The following TAFA5 variants were observed in gnomAD, a reference collection of about 807,000 sequenced individuals.
The protein encoded by TAFA5 is chemokine-like protein TAFA-5.
TAFA5 carries 6 observed loss-of-function variants against 15.3 expected under a neutral mutation model. The observed-to-expected ratio is 0.39, with a 90% CI of 0.21 to 0.77. TAFA5 has a LOEUF of 0.77. TAFA5 is among the 30% of genes least tolerant of loss of function. The pLI is 0.41. For missense variants in TAFA5, 161 were observed against 193.1 expected (o/e 0.83, Z 0.98); for synonymous variants, 103 against 80.7 (o/e 1.28, Z -1.48).
intron 1 of TAFA5, among the ~76,000 whole-genome samples, chr22:48,491,716 G>A (rs1246775207): frequency 6.6e-6 from 1 of 152,186 alleles, no homozygotes; most frequent in Admixed American, 6.5e-5. Context: ...TCATCCGGAC[G>A]GGCTCACACC....
At chr22:48,495,615 A>G in intron 1 of TAFA5, among the ~76,000 whole-genome samples, 1 of 152,084 alleles carries the variant, frequency 6.6e-6, no homozygotes, top group East Asian at 1.9e-4. Flanking sequence ...CCCAGCCGGC[A>G]TGTCCATTCG....
rs1284177998 is a variant in TAFA5, at chr22:48,530,972, G to A, written c.112+41268G>A. Reference sequence around the variant, plus strand: ...GCAAAGTGGTGCCCCTGCCCGCCCCGACCCCAGCCTTGTTAGGGGACTGGC... The same window carrying A: ...GCAAAGTGGTGCCCCTGCCCGCCCCAACCCCAGCCTTGTTAGGGGACTGGC... On this transcript the variant is annotated intron_variant, in intron 1 of 3. Transcript: ENST00000402357. The surrounding 1 kb of genome is among the most constrained non-coding windows in gnomAD (Gnocchi z 6.0). Among the ~76,000 whole-genome samples, 4 of 151,968 alleles carry A rather than the reference G, an allele frequency of 2.6e-5. No homozygotes were observed. The highest frequency in any genetic ancestry group is 4.8e-5 in the African/African-American group (2 of 41,388).
chr22:48,673,603 G>A (rs1376596386), intron 2 of TAFA5, among the ~76,000 whole-genome samples: 2 of 152,214 alleles, frequency 1.3e-5, no homozygotes, highest in African/African-American at 4.8e-5. Flanking sequence ...GGCTCTGGGT[G>A]TTCCAGGGTG....
chr22:48,510,447 T>C (rs1921169866), intron 1 of TAFA5, among the ~76,000 whole-genome samples: 2 of 152,280 alleles, frequency 1.3e-5, no homozygotes, highest in South Asian at 4.1e-4. Context: ...CTTTGGTTGA[T>C]GTTCGGTGTT....
intron 1 of TAFA5, among the ~76,000 whole-genome samples, chr22:48,627,347 T>TGCAGGTCTGGGGGTGGCGGGGGAG (rs1926059610): frequency 6.6e-6 from 1 of 152,216 alleles, no homozygotes; most frequent in African/African-American, 2.4e-5. Context: ...GCCCGGCAGC[T>TGCAGGTCTGGGGGTGGCGGGGGAG]GCAGGTCTGG....
At chr22:48,746,304 G>C (rs534580944) in intron 3 of TAFA5, among the ~76,000 whole-genome samples, 3 of 152,150 alleles carry the variant, frequency 2.0e-5, no homozygotes, top group Non-Finnish European at 4.4e-5. Flanking sequence ...AGACACCCCA[G>C]TCACCCGTCA....
At chr22:48,607,530 A>C (rs1434240370) in intron 1 of TAFA5, among the ~76,000 whole-genome samples, 1 of 135,672 alleles carries the variant, frequency 7.4e-6, no homozygotes, top group Non-Finnish European at 1.6e-5. Flanking sequence ...AGCCTGGAGC[A>C]GGTCTGTCCT....
intron 1 of TAFA5, among the ~76,000 whole-genome samples, chr22:48,521,238 A>T (rs1454420789): frequency 4.6e-5 from 7 of 152,060 alleles, no homozygotes; most frequent in Non-Finnish European, 8.8e-5. Flanking sequence ...GGGCACTTTT[A>T]AAAAATAAAG....
intron 1 of TAFA5, among the ~76,000 whole-genome samples, chr22:48,607,885 G>T (rs968842120): frequency 6.6e-6 from 1 of 152,182 alleles, no homozygotes; most frequent in Non-Finnish European, 1.5e-5. Context: ...CCACCCTGGG[G>T]GTCCTGAGGA....
At chr22:48,580,964 C>A (rs981077255) in intron 1 of TAFA5, among the ~76,000 whole-genome samples, 2 of 152,210 alleles carry the variant, frequency 1.3e-5, no homozygotes, top group African/African-American at 4.8e-5. Flanking sequence ...TGGCAGGTGT[C>A]CCTCAGCCTG....
rs1187949341 is a variant in TAFA5, at chr22:48,490,589, G to C, written c.112+885G>C. On this transcript the variant is annotated intron_variant, in intron 1 of 3. Coordinates refer to ENST00000402357, the MANE Select transcript of TAFA5 (RefSeq NM_001082967.3). The surrounding 1 kb of genome is among the most constrained non-coding windows in gnomAD (Gnocchi z 5.8). ...ATCCCGGGGCACGTTCGCGGCTGGT[G>C]GGGTAAGTGGGGGCCGCTCAGCGTC... Among the ~76,000 whole-genome samples, 1 of 151,658 alleles carries C rather than the reference G, an allele frequency of 6.6e-6. No individual in the cohort carries two copies. The highest frequency in any genetic ancestry group is 2.4e-5 in the African/African-American group (1 of 41,274).
In TAFA5 at chr22:48,536,483, C is replaced by G. The variant is rs544609616; in HGVS notation, c.112+46779C>G. Among the ~76,000 whole-genome samples, 3 of 152,382 alleles carry G rather than the reference C, an allele frequency of 2.0e-5. No individual in the cohort carries two copies. The South Asian group carries it at 6.2e-4, about 32-fold the overall frequency. ...CGAGCGCGCACCGCCCGTGGAGGAA[C>G]ATATGGCTCAGGCGTGCGCCGTGGC... On this transcript the variant is annotated intron_variant, in intron 1 of 3. Transcript: ENST00000402357.
intron 1 of TAFA5, among the ~76,000 whole-genome samples, chr22:48,531,899 C>T (rs116722256): frequency 0.011 from 1,743 of 152,292 alleles, 30 homozygotes; most frequent in African/African-American, 0.04. Context: ...GGTGGACGTC[C>T]CACAGCCAGG....
intron 1 of TAFA5, among the ~76,000 whole-genome samples, chr22:48,531,966 G>A (rs146334447): frequency 5.8e-4 from 89 of 152,346 alleles, no homozygotes; most frequent in Middle Eastern, 3.4e-3. Context: ...GGCACAGCTG[G>A]TGACGCTTCT....
chr22:48,672,446 C>T (rs769105875), intron 2 of TAFA5, among the ~76,000 whole-genome samples: 42 of 152,296 alleles, frequency 2.8e-4, no homozygotes, highest in Non-Finnish European at 4.1e-4. Flanking sequence ...ATTTTCCTTA[C>T]ATTTATCAGG....
At chr22:48,734,165 A>G (rs74699518) in intron 3 of TAFA5, among the ~76,000 whole-genome samples, 12,768 of 152,292 alleles carry the variant, frequency 0.084, 988 homozygotes, top group East Asian at 0.48. Context: ...ATCACAGCAG[A>G]AAACAGAAAG....
intron 1 of TAFA5, among the ~76,000 whole-genome samples, chr22:48,500,522 G>T (rs1920946120): frequency 6.6e-6 from 1 of 152,262 alleles, no homozygotes; most frequent in Non-Finnish European, 1.5e-5. Flanking sequence ...TCCTTGGGTA[G>T]AGCAGCCCCG....
At chr22:48,509,354 G>A (rs150489133) in intron 1 of TAFA5, among the ~76,000 whole-genome samples, 2 of 152,260 alleles carry the variant, frequency 1.3e-5, no homozygotes, top group African/African-American at 4.8e-5. Context: ...TGAGGGCGTA[G>A]GTGCTATTTT....
At chr22:48,736,433 T>C (rs1322815800) in intron 3 of TAFA5, among the ~76,000 whole-genome samples, 1 of 36,744 alleles carries the variant, frequency 2.7e-5, no homozygotes, top group Non-Finnish European at 5.1e-5. Flanking sequence ...GGAATGAGAA[T>C]CGCACTCCTA....
Sources: gnomAD v4.1 joint callset for allele counts (sites outside exome capture counted in the v4.1 genomes callset) on GRCh38, gnomAD v4.1.1 for gene constraint, Gnocchi (gnomAD v3.1) non-coding constraint, MANE v1.5 for transcripts, NCBI Gene and HGNC (gene_info 2026-07-23, HGNC 2026-07-21) for gene names.